TIGD6: variants seen among roughly 807,000 people sequenced by gnomAD.
TIGD6 encodes the protein tigger transposable element-derived protein 6.
A neutral mutation model predicts 2.6 loss-of-function variants in TIGD6; 1 was observed. That is an observed-to-expected ratio of 0.39 (90% CI 0.14 to 1.85). The LOEUF is 1.85. Ranked by LOEUF, TIGD6 falls within the 40% of genes most tolerant of loss-of-function variation. The probability of loss-of-function intolerance (pLI) is 0.32; values close to 1 mark genes in which losing one functional copy is unlikely to be tolerated. For missense variants in TIGD6, 601 were observed against 634.2 expected (o/e 0.95, Z 0.56); for synonymous variants, 193 against 221.9 (o/e 0.87, Z 1.16).
Position 149,994,844 on chromosome 5 carries a change from A to C in TIGD6, c.1505T>G (p.Met502Arg), listed in dbSNP as rs755359911. The C allele has an allele frequency of 6.3e-7, 1 of 1,581,272 alleles. No individual in the cohort carries two copies. Among genetic ancestry groups the C allele is most frequent in the African/African-American group, 1.4e-5 (1 of 73,828 alleles). ...AATAAGGGTTTGTGTCACTCTTTTC[A>C]TTAAATATTCATCTATGCCATTTAA... ...GQLNGIDEYL[M>R]KRVTQTLIDS... Residue 502 changes from methionine (M) to arginine (R), a missense_variant, in exon 2 of 2, where the codon ATG becomes AGG. Transcript: ENST00000296736.
intron 1 of TIGD6, chr5:149,999,922 A>T (rs947812091): frequency 6.5e-6 from 1 of 153,998 alleles, no homozygotes; most frequent in African/African-American, 2.4e-5. Context: ...ACTTGATCAG[A>T]CTTACAGTGC....
At chr5:149,998,978 G>A (rs1413700251) in intron 1 of TIGD6, among the ~76,000 whole-genome samples, 1 of 152,116 alleles carries the variant, frequency 6.6e-6, no homozygotes, top group Non-Finnish European at 1.5e-5. Flanking sequence ...GGAATAATAT[G>A]GTGGGCCTTA....
chr5:149,998,797 C>A (rs1755461126), intron 1 of TIGD6, among the ~76,000 whole-genome samples: 1 of 152,172 alleles, frequency 6.6e-6, no homozygotes. Flanking sequence ...TGCTTGATGC[C>A]AGCCATACAG....
In TIGD6 at chr5:149,995,742, C is replaced by T. The variant is rs764896952; in HGVS notation, c.607G>A (p.Gly203Ser). The T allele has an allele frequency of 6.2e-7, 1 of 1,614,186 alleles. No homozygotes were observed. The highest frequency in any genetic ancestry group is 1.7e-5 in the Admixed American group (1 of 60,032). The change falls in exon 2 of 2, where the codon GGC becomes AGC. Residue 203 changes from glycine to serine, a missense_variant. Gly to Ser is a moderately conservative substitution (Grantham distance 56). Coordinates refer to ENST00000296736, the MANE Select transcript of TIGD6 (RefSeq NM_030953.4). ...LAAKGDHCRG[G>S]KKAKQRLTAL... ...GTCAACCGCTGCTTTGCTTTCTTGC[C>T]CCCTCTACAGTGGTCTCCTTTAGCA... is the stretch of plus-strand genomic sequence containing the variant.
intron 1 of TIGD6, among the ~76,000 whole-genome samples, chr5:149,999,491 A>C (rs1278922351): frequency 1.3e-5 from 2 of 152,054 alleles, no homozygotes; most frequent in Non-Finnish European, 2.9e-5. Flanking sequence ...AGAGATGGTG[A>C]GTAGTAGTCA....
rs780226051 is a variant in TIGD6, at chr5:149,995,058, G to T, written c.1291C>A (p.Gln431Lys). 6.2e-7 allele frequency: 1 copy of T among 1,614,190 alleles called. No homozygotes were observed. Among genetic ancestry groups the T allele is most frequent in the South Asian group, 1.1e-5 (1 of 91,080 alleles). The part of the protein sequence containing the change: ...VTADDDLIIS[Q>K]DTDIIQDMVA... ...ATGTCCTGGATGATGTCTGTGTCCT[G>T]AGAGATAATGAGATCATCATCTGCA... is the stretch of plus-strand genomic sequence containing the variant. Residue 431 changes from glutamine (Q) to lysine (K), a missense_variant, in exon 2 of 2, where the codon CAG becomes AAG. Transcript: ENST00000296736.
At chr5:149,998,049 G>A (rs1430291590) in intron 1 of TIGD6, among the ~76,000 whole-genome samples, 2 of 152,196 alleles carry the variant, frequency 1.3e-5, no homozygotes, top group Non-Finnish European at 2.9e-5. Context: ...AGAATCGCTT[G>A]AACCCAGGAG....
In TIGD6 at chr5:149,995,164, G is replaced by A. The variant is rs745413847; in HGVS notation, c.1185C>T (p.Asp395=). 1.9e-6 allele frequency: 3 copies of A among 1,614,256 alleles called. No individual in the cohort carries two copies. The highest frequency in any genetic ancestry group is 1.1e-5 in the South Asian group (1 of 91,088). ...TGTGCCACAACTTTTCAATGGCAATGTCTGGTTCACTGGCTGCTGATTCTG... is the reference window on the plus strand; with the variant it reads ...TGTGCCACAACTTTTCAATGGCAATATCTGGTTCACTGGCTGCTGATTCTG... The part of the protein sequence containing the change: ...CDTESAASEP[D]IAIEKLWHTV... The change falls in exon 2 of 2, where the codon GAC becomes GAT. Residue 395 remains aspartate (D), a synonymous_variant. Coordinates refer to ENST00000296736, the MANE Select transcript of TIGD6 (RefSeq NM_030953.4).
At position 149,996,414 on chromosome 5, in the gene TIGD6, C is replaced by T. The variant is rs926836689; in HGVS notation, c.-66G>A. 2 of 1,516,836 alleles carry T rather than the reference C, an allele frequency of 1.3e-6. No individual in the cohort carries two copies. The highest frequency in any genetic ancestry group is 1.4e-5 in the African/African-American group (1 of 71,836). 94.0% of individuals were successfully genotyped at this position (1,516,836 alleles called of 1,614,324 possible). A position where few individuals can be genotyped will look rare whatever the true frequency, so the allele number is the denominator to read the frequency against. On this transcript the variant is annotated 5_prime_UTR_variant, in exon 2 of 2. Transcript: ENST00000296736. ...TGGTTCCTCCTCGCGGCTTGCTTTG[C>T]CCCAAGTGTGGAAAGCTGAGAAGAC...
intron 1 of TIGD6, among the ~76,000 whole-genome samples, chr5:149,997,086 TAC>T (rs2113711470): frequency 6.6e-6 from 1 of 152,268 alleles, no homozygotes; most frequent in Admixed American, 6.5e-5. Context: ...AACAGATAAT[TAC>T]AGAGGGTGAT....
In TIGD6 at chr5:149,993,344, CA is replaced by C. The variant is rs568717710; in HGVS notation, c.*1438del. The C allele has an allele frequency of 8.5e-4, 130 of 152,114 alleles. No individual in the cohort carries two copies. The highest frequency in any genetic ancestry group is 3.0e-3 in the African/African-American group (126 of 41,462). 9.4% of individuals were successfully genotyped at this position (152,114 alleles called of 1,614,324 possible). On this transcript the variant is annotated 3_prime_UTR_variant, in exon 2 of 2. Transcript: ENST00000296736. ...AAATATCCAAAAAATTAACCTGAAG[CA>C]GGGGGAAAAATGACATCACACCATT...
At chr5:149,997,358 C>T (rs897374548) in intron 1 of TIGD6, among the ~76,000 whole-genome samples, 2 of 151,650 alleles carry the variant, frequency 1.3e-5, no homozygotes, top group Non-Finnish European at 2.9e-5. Context: ...GCCAACATGG[C>T]GAAACTCCGA....
In TIGD6 at chr5:149,996,036, C is replaced by CT. The variant is rs763558704; in HGVS notation, c.312dup (p.Ala105SerfsTer11). On this transcript the variant is annotated frameshift_variant, in exon 2 of 2. Transcript: ENST00000296736. LOFTEE classifies it high-confidence loss of function. The stretch of plus-strand genomic sequence containing the variant: ...CCAAGCATGTTGGCCAAGTTTAGTG[C>CT]TTTTTTCCGAATGACAGAACCAGTC... The CT allele has an allele frequency of 1.2e-6, 2 of 1,612,140 alleles. No homozygotes were observed. Among genetic ancestry groups the CT allele is most frequent in the South Asian group, 1.1e-5 (1 of 91,086 alleles).
intron 1 of TIGD6, among the ~76,000 whole-genome samples, chr5:149,996,649 C>T (rs796246610): frequency 2.0e-5 from 3 of 152,320 alleles, no homozygotes; most frequent in African/African-American, 7.2e-5. Flanking sequence ...TCTGAACCTC[C>T]ATAAAAATGG....
In TIGD6 at chr5:149,995,383, C is replaced by A. The variant is rs1164943550; in HGVS notation, c.966G>T (p.Met322Ile). Residue 322 changes from methionine (M) to isoleucine (I), a missense_variant, in exon 2 of 2, where the codon ATG becomes ATT. By Grantham distance (10) the Met-to-Ile change is conservative (BLOSUM62 1). Coordinates refer to ENST00000296736, the MANE Select transcript of TIGD6 (RefSeq NM_030953.4). ...QPLNLGIIHTMKVLYQSHLLK... is the reference protein window; with the variant it reads ...QPLNLGIIHTIKVLYQSHLLK... ...GAAGGTGGCTCTGGTACAGTACTTT[C>A]ATGGTGTGAATTATGCCAAGATTCA... is the stretch of plus-strand genomic sequence containing the variant. The A allele has an allele frequency of 6.2e-7, 1 of 1,614,112 alleles. No individual in the cohort carries two copies. The highest frequency in any genetic ancestry group is 1.3e-5 in the African/African-American group (1 of 74,924).
At position 149,995,719 on chromosome 5, in the gene TIGD6, C is replaced by A. The variant is rs775404259; in HGVS notation, c.630G>T (p.Leu210Phe). 4 of 1,614,138 alleles carry A rather than the reference C, an allele frequency of 2.5e-6. No homozygotes were observed. Among genetic ancestry groups the A allele is most frequent in the Non-Finnish European group, 3.4e-6 (4 of 1,180,058 alleles). Residue 210 changes from leucine to phenylalanine, a missense_variant, in exon 2 of 2, where the codon TTG (leucine) becomes TTT (phenylalanine). By Grantham distance (22) the Leu-to-Phe change is conservative. Coordinates refer to ENST00000296736, the MANE Select transcript of TIGD6 (RefSeq NM_030953.4). ...CRGGKKAKQR[L>F]TALFCCNASG... is the part of the protein sequence containing the mutation. ...AGGCATTGCAACAAAAGAGTGCTGTCAACCGCTGCTTTGCTTTCTTGCCCC... is the reference window on the plus strand; with the variant it reads ...AGGCATTGCAACAAAAGAGTGCTGTAAACCGCTGCTTTGCTTTCTTGCCCC...
chr5:149,996,515 A>G (rs892283561), intron 1 of TIGD6, 86 bp from the exon 2 acceptor site: 8 of 987,206 alleles, frequency 8.1e-6, no homozygotes, highest in African/African-American at 6.5e-5. Flanking sequence ...TGTATTAGGA[A>G]AGGACAATTT....
In TIGD6 at chr5:149,996,144, T is replaced by G; in HGVS notation, c.205A>C (p.Arg69=). ...REASVGPQRK[R]MRSALYDDID... The stretch of plus-strand genomic sequence containing the variant: ...TCATCATAAAGAGCGCTCCTCATCC[T>G]TTTCCGCTGGGGTCCCACGGATGCC... The change falls in exon 2 of 2, where the codon AGG becomes CGG. Residue 69 remains arginine (R), a synonymous_variant. Coordinates refer to ENST00000296736, the MANE Select transcript of TIGD6 (RefSeq NM_030953.4). The G allele has an allele frequency of 6.2e-7, 1 of 1,610,322 alleles. No homozygotes were observed. Among genetic ancestry groups the G allele is most frequent in the Non-Finnish European group, 8.5e-7 (1 of 1,179,936 alleles).
chr5:149,995,946 A>G lies in TIGD6; in HGVS notation c.403T>C (p.Leu135=), dbSNP rs1257096206. Residue 135 remains leucine, a synonymous_variant, in exon 2 of 2, where the codon TTG becomes CTG. Transcript: ENST00000296736. ...NRFRDRHGIA[L]KAVCREDSDR... is the part of the protein sequence containing the mutation. ...CTATCTTCTCTACAGACTGCTTTCA[A>G]AGCAATTCCGTGGCGATCTCTAAAT... 6.2e-7 allele frequency: 1 copy of G among 1,613,220 alleles called. No homozygotes were observed. The highest frequency in any genetic ancestry group is 8.5e-7 in the Non-Finnish European group (1 of 1,180,046).
Sources: allele counts gnomAD v4.1 joint callset (sites outside exome capture counted in the v4.1 genomes callset), GRCh38; gene constraint gnomAD v4.1.1; transcripts MANE v1.5; gene names NCBI Gene and HGNC (gene_info 2026-07-23, HGNC 2026-07-21).